The following RBM6 variants were observed in gnomAD, a reference collection of about 807,000 sequenced individuals.
RBM6 encodes the protein RNA-binding protein 6.
RBM6 carries 23 observed loss-of-function variants against 140.4 expected under a neutral mutation model. The ratio of observed to expected loss-of-function variants is 0.16; its 90% confidence interval spans 0.12 to 0.23. The LOEUF is 0.23. Among genes scored for constraint, RBM6 ranks in the 10% least tolerant of loss-of-function variants. The probability of loss-of-function intolerance (pLI) is 1.00; values close to 1 mark genes in which losing one functional copy is unlikely to be tolerated. For missense variants in RBM6, 1,139 were observed against 1,386.7 expected, an observed-to-expected ratio of 0.82 and a Z score of 2.84; for synonymous variants, 439 against 475.6, an observed-to-expected ratio of 0.92 and a Z score of 1.00.
intron 1 of RBM6, among the ~76,000 whole-genome samples, chr3:49,941,921 T>G (rs535133659): frequency 2.0e-4 from 29 of 146,192 alleles, no homozygotes; most frequent in Non-Finnish European, 4.0e-4. Context: ...CGCAAAACCC[T>G]GTCTCTACAA....
intron 6 of RBM6, among the ~76,000 whole-genome samples, chr3:50,026,928 A>G (rs1027547720): frequency 1.1e-4 from 17 of 150,178 alleles, no homozygotes; most frequent in African/African-American, 3.2e-4. Context: ...AAAAAATAGC[A>G]TAGGTAGGCA....
chr3:49,997,527 T>C (rs780028481), intron 5 of RBM6, among the ~76,000 whole-genome samples: 5 of 152,212 alleles, frequency 3.3e-5, no homozygotes, highest in Non-Finnish European at 7.3e-5. Context: ...ATTAGTTCTC[T>C]ATGTTTTTCA....
chr3:50,062,832 C>T (rs2089989581), intron 15 of RBM6, among the ~76,000 whole-genome samples: 1 of 151,076 alleles, frequency 6.6e-6, no homozygotes, highest in Non-Finnish European at 1.5e-5. Flanking sequence ...TATAACTGTA[C>T]CTTCATTTTC....
intron 7 of RBM6, among the ~76,000 whole-genome samples, chr3:50,052,622 C>T (rs1481595546): frequency 1.3e-5 from 2 of 152,206 alleles, no homozygotes; most frequent in Non-Finnish European, 2.9e-5. Flanking sequence ...GTTACCACAG[C>T]AGCTCTCCTG....
intron 6 of RBM6, among the ~76,000 whole-genome samples, chr3:50,004,118 A>G (rs1444079981): frequency 6.6e-6 from 1 of 151,906 alleles, no homozygotes; most frequent in Non-Finnish European, 1.5e-5. Flanking sequence ...TGCAGGGATT[A>G]GCATTTTATG....
At chr3:49,990,639 A>G in intron 5 of RBM6, among the ~76,000 whole-genome samples, 1 of 152,342 alleles carries the variant, frequency 6.6e-6, no homozygotes, top group East Asian at 1.9e-4. Flanking sequence ...ACAGATGTAC[A>G]TACGTATTTA....
intron 5 of RBM6, among the ~76,000 whole-genome samples, chr3:49,989,571 AAAAT>A (rs756206534): frequency 1.1e-4 from 16 of 152,056 alleles, no homozygotes; most frequent in African/African-American, 2.9e-4. Context: ...AAACTGTCTC[AAAAT>A]AAATAAATAA....
chr3:50,031,064 G>A (rs947171954), intron 6 of RBM6, among the ~76,000 whole-genome samples: 3 of 152,172 alleles, frequency 2.0e-5, no homozygotes, highest in Non-Finnish European at 2.9e-5. Flanking sequence ...ATAGTGATCA[G>A]TAAAAAGCCA....
intron 4 of RBM6, among the ~76,000 whole-genome samples, chr3:49,974,673 ATTTTTTTTTTTTTTTTT>A (rs55872898): frequency 1.4e-5 from 1 of 72,454 alleles, no homozygotes; most frequent in African/African-American, 6.5e-5. Flanking sequence ...TGCCCGGCCA[ATTTTTTTTTTTTTTTTT>A]TTTTTTTTTT....
At chr3:50,021,492 T>C (rs941563261) in intron 6 of RBM6, among the ~76,000 whole-genome samples, 1 of 151,850 alleles carries the variant, frequency 6.6e-6, no homozygotes, top group African/African-American at 2.4e-5. Context: ...ATACAAAAAT[T>C]AGCTGGGTGT....
intron 8 of RBM6, among the ~76,000 whole-genome samples, chr3:50,056,789 C>CT (rs749434466): frequency 6.6e-6 from 1 of 152,162 alleles, no homozygotes; most frequent in Non-Finnish European, 1.5e-5. Context: ...ATAAAACAAA[C>CT]TATAAAGACA....
rs549228671 is a variant in RBM6 at position 50,069,573 on chromosome 3, CCAG to C, written c.3018+813_3018+815del. Among the ~76,000 whole-genome samples, 97 of 150,972 alleles carry C rather than the reference CCAG, an allele frequency of 6.4e-4. 2 individuals are homozygous for C. In the South Asian group the frequency reaches 0.02, roughly 31 times the overall value. On this transcript the variant is annotated intron_variant, in intron 18 of 20. Transcript: ENST00000266022. ...GGCACAGTGGCACATGCATGTAATC[CCAG>C]CAGTTTAGGAGGCTGAGGTGGGAGA... is the stretch of plus-strand genomic sequence containing the variant.
At position 50,022,625 on chromosome 3, in the gene RBM6, T is replaced by A. The variant is rs112861310; in HGVS notation, c.1557+23112T>A. 3.3e-3 allele frequency among the ~76,000 whole-genome samples: 505 copies of A among 151,884 alleles called. 4 individuals are homozygous for A. Among genetic ancestry groups the A allele is most frequent in the African/African-American group, 0.012 (494 of 41,462 alleles). ...GATTACAGGCGTGAGCCACCGCACC[T>A]GACAAATGATGTAGTTTTTCTCCCT... On this transcript the variant is annotated intron_variant, in intron 6 of 20. Transcript: ENST00000266022.
chr3:49,967,465 T>C lies in RBM6; in HGVS notation c.45-5T>C. 4 of 1,611,932 alleles carry C rather than the reference T, an allele frequency of 2.5e-6. No individual in the cohort carries two copies. The highest frequency in any genetic ancestry group is 3.4e-6 in the Non-Finnish European group (4 of 1,178,600). On this transcript the variant is annotated splice_polypyrimidine_tract_variant and splice_region_variant and intron_variant, in intron 2 of 20. Transcript: ENST00000266022. The surrounding 1 kb of genome is among the most constrained non-coding windows in gnomAD (Gnocchi z 4.0). ...ATATGAATAACACTGTCTTTGTTTC[T>C]ACAGTGGGAGCCAAGAAGAAAGGTT...
chr3:50,002,946 C>G (rs936059071), intron 6 of RBM6, among the ~76,000 whole-genome samples: 3 of 151,862 alleles, frequency 2.0e-5, no homozygotes, highest in Non-Finnish European at 4.4e-5. Flanking sequence ...GAAACCCCGT[C>G]TCTACTAAAA....
intron 20 of RBM6, 97 bp from the exon 21 acceptor site, chr3:50,076,911 C>A: frequency 1.2e-5 from 14 of 1,204,314 alleles, no homozygotes; most frequent in South Asian, 1.7e-5. Flanking sequence ...ATCCTATATA[C>A]TGCTTCTTAC....
intron 2 of RBM6, 48 bp downstream of exon 2, chr3:49,962,733 A>C (rs1472048658): frequency 1.4e-6 from 2 of 1,443,608 alleles, no homozygotes; most frequent in Non-Finnish European, 1.9e-6. Context: ...TTTAATTATA[A>C]ATGTGTAACA....
chr3:49,945,090 T>A (rs2083431223), intron 1 of RBM6, among the ~76,000 whole-genome samples: 1 of 151,334 alleles, frequency 6.6e-6, no homozygotes, highest in Admixed American at 6.6e-5. Flanking sequence ...TTAGCCAGGA[T>A]AGTCTCCATC....
chr3:49,990,562 T>C (rs550782630), intron 5 of RBM6, among the ~76,000 whole-genome samples: 1 of 152,384 alleles, frequency 6.6e-6, no homozygotes, highest in Admixed American at 6.5e-5. Context: ...AAAATTTTTC[T>C]TTTTAGCCTC....
Sources: gnomAD v4.1 joint callset for allele counts (sites outside exome capture counted in the v4.1 genomes callset) on GRCh38, gnomAD v4.1.1 for gene constraint, Gnocchi (gnomAD v3.1) non-coding constraint, MANE v1.5 for transcripts, NCBI Gene and HGNC (gene_info 2026-07-23, HGNC 2026-07-21) for gene names.